The following E2F7 variants were observed in gnomAD, a reference collection of about 807,000 sequenced individuals.
E2F7 encodes transcription factor E2F7.
E2F7 carries 35 observed loss-of-function variants against 81.1 expected under a neutral mutation model. The observed-to-expected ratio is 0.43, with a 90% confidence interval of 0.33 to 0.57. The LOEUF (loss-of-function observed/expected upper bound fraction) is 0.57, where lower values mean the gene tolerates loss of function less well. Among genes scored for constraint, E2F7 ranks in the 20% least tolerant of loss-of-function variants. The pLI, the probability that E2F7 is intolerant of heterozygous loss-of-function variation, is 0.04. For missense variants in E2F7, 961 were observed against 1,093.7 expected (o/e 0.88, Z 1.71); for synonymous variants, 416 against 416.2 (o/e 1.00, Z 0.01).
chr12:77,025,054 G>GTATTATAGATGTATATACATCTATA (rs1433011456), intron 12 of E2F7, among the ~76,000 whole-genome samples: 4 of 152,114 alleles, frequency 2.6e-5, no homozygotes, highest in African/African-American at 9.6e-5. Context: ...ATACATCTAT[G>GTATTATAGATGTATATACATCTATA]TATTATAGAT....
intron 4 of E2F7, 102 bp downstream of exon 4, chr12:77,050,474 C>T (rs544026490): frequency 6.4e-6 from 8 of 1,244,822 alleles, no homozygotes; most frequent in East Asian, 2.4e-5. Flanking sequence ...TGTCTTCACC[C>T]GATTGAGGGG....
chr12:77,025,984 T>C lies in E2F7; in HGVS notation c.2141-2A>G. 2.5e-6 allele frequency: 4 copies of C among 1,598,532 alleles called. No individual in the cohort carries two copies. Among genetic ancestry groups the C allele is most frequent in the Non-Finnish European group, 3.4e-6 (4 of 1,172,200 alleles). Reference sequence around the variant, plus strand: ...AAAGTACATTGAAACCATTTAATCCTGAAAGAAAAGCAGAACAGGCGAAAA... The same window carrying C: ...AAAGTACATTGAAACCATTTAATCCCGAAAGAAAAGCAGAACAGGCGAAAA... On this transcript the variant is annotated splice_acceptor_variant, in intron 11 of 12. Transcript: ENST00000322886. LOFTEE classifies it high-confidence loss of function.
rs922156115 is a variant in E2F7 at position 77,023,956 on chromosome 12, C to T, written c.*59G>A. The T allele has an allele frequency of 2.5e-6, 4 of 1,578,906 alleles. No homozygotes were observed. Among genetic ancestry groups the T allele is most frequent in the Admixed American group, 1.8e-5 (1 of 54,882 alleles). On this transcript the variant is annotated 3_prime_UTR_variant, in exon 13 of 13. Coordinates refer to ENST00000322886, the MANE Select transcript of E2F7 (RefSeq NM_203394.3). ...CAGGACGGGATGGTTTGCATCCCGC[C>T]TCGGACATCCGGGACTCTCAGGGCG...
chr12:77,056,041 A>G lies in E2F7; in HGVS notation c.183T>C (p.Thr61=), dbSNP rs1348105913. The change falls in exon 3 of 13, where the codon ACT becomes ACC. Residue 61 remains threonine, a synonymous_variant. Coordinates refer to ENST00000322886, the MANE Select transcript of E2F7 (RefSeq NM_203394.3). ...CTGGAGTAATGGGATTTCTTTCTGG[A>G]GTAAATTTTTTTTGCTTCGATAAAT... The part of the protein sequence containing the change: ...PIDLSKQKKF[T]PERNPITPVK... 1.9e-6 allele frequency: 3 copies of G among 1,613,930 alleles called. No individual in the cohort carries two copies. The African/African-American group carries it at 4.0e-5, about 22-fold the overall frequency.
intron 4 of E2F7, among the ~76,000 whole-genome samples, chr12:77,047,123 A>T (rs1413662461): frequency 3.9e-5 from 6 of 152,196 alleles, no homozygotes; most frequent in Non-Finnish European, 5.9e-5. Context: ...TCACTTTCCC[A>T]ACACTCCCAA....
At chr12:77,064,202 C>A (rs530793502) in intron 2 of E2F7, among the ~76,000 whole-genome samples, 1 of 152,324 alleles carries the variant, frequency 6.6e-6, no homozygotes, top group Non-Finnish European at 1.5e-5. Flanking sequence ...GGTCTATTTT[C>A]CTGGGAACTG....
intron 12 of E2F7, among the ~76,000 whole-genome samples, chr12:77,025,349 AACAT>A (rs1954748592): frequency 6.6e-6 from 1 of 152,200 alleles, no homozygotes; most frequent in African/African-American, 2.4e-5. Context: ...GACAACTAAA[AACAT>A]ACATTTTTGT....
intron 4 of E2F7, among the ~76,000 whole-genome samples, chr12:77,047,897 T>C (rs774941642): frequency 6.6e-6 from 1 of 152,182 alleles, no homozygotes; most frequent in South Asian, 2.1e-4. Flanking sequence ...GTTTAGAGCA[T>C]AGCATTCTAT....
intron 3 of E2F7, among the ~76,000 whole-genome samples, chr12:77,055,355 CT>C (rs78320507): frequency 0.08 from 11,333 of 141,562 alleles, 458 homozygotes; most frequent in African/African-American, 0.13. Flanking sequence ...AAATAATTAC[CT>C]TTTTTTTTTT....
At chr12:77,045,907 G>A (rs1265415388) in intron 5 of E2F7, 131 bp downstream of exon 5, 2 of 1,174,244 alleles carry the variant, frequency 1.7e-6, no homozygotes, top group Non-Finnish European at 2.4e-6. Context: ...TCTTTCTTCA[G>A]TGAGGAGAAT....
At chr12:77,054,935 C>T (rs1955020062) in intron 3 of E2F7, among the ~76,000 whole-genome samples, 2 of 152,068 alleles carry the variant, frequency 1.3e-5, no homozygotes, top group Admixed American at 6.6e-5. Context: ...CCCCAACTCA[C>T]CCAGCTAGTG....
rs200661652 is a variant in E2F7, at chr12:77,027,906, T to C, written c.2117A>G (p.Tyr706Cys). ...ESTKEPSLLQ[Y>C]LCVQSPAGLN... is the part of the protein sequence containing the mutation. ...ACCTGCAGGAGACTGCACACAAAGA[T>C]ATTGTAGCAAAGAAGGCTCTTTGGT... Residue 706 changes from tyrosine to cysteine, a missense_variant, in exon 11 of 13, where the codon TAT becomes TGT. Transcript: ENST00000322886. The C allele has an allele frequency of 1.9e-6, 3 of 1,614,076 alleles. No homozygotes were observed. Among genetic ancestry groups the C allele is most frequent in the African/African-American group, 1.3e-5 (1 of 74,936 alleles).
intron 9 of E2F7, among the ~76,000 whole-genome samples, chr12:77,032,487 T>C (rs766157789): frequency 9.2e-5 from 14 of 152,208 alleles, no homozygotes; most frequent in Non-Finnish European, 1.6e-4. Flanking sequence ...TGGTGACACA[T>C]GATTTCTTTC....
chr12:77,049,323 G>A (rs111312090), intron 4 of E2F7, among the ~76,000 whole-genome samples: 2 of 152,028 alleles, frequency 1.3e-5, no homozygotes, highest in East Asian at 1.9e-4. Flanking sequence ...GCTCCAAATC[G>A]GCCCCCAAAC....
Position 77,029,901 on chromosome 12 carries a change from T to G in E2F7, c.1814A>C (p.Glu605Ala), listed in dbSNP as rs759394987. 1 of 1,614,230 alleles carries G rather than the reference T, an allele frequency of 6.2e-7. No homozygotes were observed. The highest frequency in any genetic ancestry group is 1.1e-5 in the South Asian group (1 of 91,078). The change falls in exon 10 of 13, where the codon GAG (glutamate) becomes GCG (alanine). Residue 605 changes from glutamate (E) to alanine (A), a missense_variant. Physicochemically the swap from Glu to Ala is moderately radical, Grantham distance 107. Around this residue, in one of 3 missense-constraint regions of E2F7, gnomAD observed 587 missense variants for 620.3 expected, o/e 0.95. Coordinates refer to ENST00000322886, the MANE Select transcript of E2F7 (RefSeq NM_203394.3). Reference protein sequence around the residue: ...RLCEERKPQEEDEPATKRQSR... With the variant: ...RLCEERKPQEADEPATKRQSR... Reference sequence around the variant, plus strand: ...TTGCCTTTTAGTGGCTGGCTCATCCTCCTCCTGAGGTTTCCTCTCCTCACA... The same window carrying G: ...TTGCCTTTTAGTGGCTGGCTCATCCGCCTCCTGAGGTTTCCTCTCCTCACA...
At chr12:77,041,494 C>T (rs1954894934) in intron 7 of E2F7, among the ~76,000 whole-genome samples, 1 of 152,108 alleles carries the variant, frequency 6.6e-6, no homozygotes, top group Non-Finnish European at 1.5e-5. Context: ...CCCAGCCCAG[C>T]TATCTTATTT....
At chr12:77,059,135 G>C (rs1955058415) in intron 2 of E2F7, among the ~76,000 whole-genome samples, 2 of 152,156 alleles carry the variant, frequency 1.3e-5, no homozygotes, top group Non-Finnish European at 2.9e-5. Context: ...CATATATTTT[G>C]ATATATTTTC....
chr12:77,025,694 G>C lies in E2F7; in HGVS notation c.2429C>G (p.Pro810Arg), dbSNP rs1391391765. 6.2e-7 allele frequency: 1 copy of C among 1,614,214 alleles called. No individual in the cohort carries two copies. The highest frequency in any genetic ancestry group is 1.7e-5 in the Admixed American group (1 of 60,024). Residue 810 changes from proline (P) to arginine (R), a missense_variant, in exon 12 of 13, where the codon CCT becomes CGT. Pro to Arg is a moderately radical substitution (Grantham distance 103). Around this residue, in one of 3 missense-constraint regions of E2F7, gnomAD observed 587 missense variants for 620.3 expected, o/e 0.95. Coordinates refer to ENST00000322886, the MANE Select transcript of E2F7 (RefSeq NM_203394.3). ...ACTCTGAAGCTGAGGGTCTGCAGAA[G>C]GGAGTGTGGACGACTTTGGATTAAC... ...AVVNPKSSTLPSADPQLQSQP... is the reference protein window; with the variant it reads ...AVVNPKSSTLRSADPQLQSQP...
intron 6 of E2F7, 21 bp from the exon 7 acceptor site, chr12:77,043,220 T>C (rs1565903801): frequency 6.2e-7 from 1 of 1,613,874 alleles, no homozygotes; most frequent in Admixed American, 1.7e-5. Flanking sequence ...TAAAACACGA[T>C]TACGGTCATG....
Sources: allele counts gnomAD v4.1 joint callset (sites outside exome capture counted in the v4.1 genomes callset), GRCh38; gene constraint gnomAD v4.1.1; regional missense constraint gnomAD v4.1.1; transcripts MANE v1.5; gene names NCBI Gene and HGNC (gene_info 2026-07-23, HGNC 2026-07-21).